Variants in FBN2 observed in about 807,000 individuals in gnomAD.
The protein encoded by FBN2 is fibrillin 2, also known as fibrillin-2.
FBN2 carries 105 observed loss-of-function variants against 355.6 expected under a neutral mutation model. That is an observed-to-expected ratio of 0.30 (90% confidence interval 0.25 to 0.35). The LOEUF is 0.35. FBN2 is among the 10% of genes least tolerant of loss of function. The probability of loss-of-function intolerance (pLI) is 1.00; values close to 1 mark genes in which losing one functional copy is unlikely to be tolerated. For missense variants in FBN2, 3,280 were observed against 3,758.7 expected (o/e 0.87, Z 3.33); for synonymous variants, 1,350 against 1,301.2 (o/e 1.04, Z -0.81).
intron 5 of FBN2, among the ~76,000 whole-genome samples, chr5:128,512,106 G>A (rs1055882723): frequency 1.3e-5 from 2 of 152,088 alleles, no homozygotes; most frequent in African/African-American, 4.8e-5. Context: ...AATCTGTACC[G>A]TTACCAAAAA....
At chr5:128,304,652 G>A (rs1321883597) in intron 45 of FBN2, among the ~76,000 whole-genome samples, 2 of 152,156 alleles carry the variant, frequency 1.3e-5, no homozygotes, top group Non-Finnish European at 2.9e-5. Context: ...TTCCACACAA[G>A]CCCAAGTGGC....
intron 25 of FBN2, among the ~76,000 whole-genome samples, chr5:128,339,635 G>A (rs1332256373): frequency 6.6e-6 from 1 of 152,162 alleles, no homozygotes; most frequent in East Asian, 1.9e-4. Flanking sequence ...GATGAACCCT[G>A]CAACTGTGGT....
chr5:128,479,431 T>C (rs1289539227), intron 5 of FBN2, among the ~76,000 whole-genome samples: 1 of 152,152 alleles, frequency 6.6e-6, no homozygotes, highest in Non-Finnish European at 1.5e-5. Flanking sequence ...AGTAATATTA[T>C]ATCACTACTC....
intron 63 of FBN2, 61 bp downstream of exon 63, chr5:128,263,363 TG>T: frequency 8.2e-7 from 1 of 1,219,764 alleles, no homozygotes; most frequent in Non-Finnish European, 1.2e-6. Flanking sequence ...CAGTGGGGGG[TG>T]GCCTGAACTC....
Position 128,286,821 on chromosome 5 carries a change from G to T in FBN2, c.6909C>A (p.His2303Gln). The T allele has an allele frequency of 1.9e-6, 3 of 1,613,978 alleles. No homozygotes were observed. The highest frequency in any genetic ancestry group is 2.5e-6 in the Non-Finnish European group (3 of 1,179,848). Residue 2303 changes from histidine to glutamine, a missense_variant, in exon 55 of 65, where the codon CAC (histidine) becomes CAA (glutamine). By Grantham distance (24) the His-to-Gln change is conservative. Transcript: ENST00000262464. ...KDLDECAEGLHDCESRGMMCK... is the reference protein window; with the variant it reads ...KDLDECAEGLQDCESRGMMCK... ...ACATCATGCCCCTAGATTCACAGTCGTGTAACCCTTCAGCACATTCATCCA... is the reference window on the plus strand; with the variant it reads ...ACATCATGCCCCTAGATTCACAGTCTTGTAACCCTTCAGCACATTCATCCA...
At chr5:128,517,070 C>A (rs60201468) in intron 5 of FBN2, among the ~76,000 whole-genome samples, 2 of 151,860 alleles carry the variant, frequency 1.3e-5, no homozygotes, top group Non-Finnish European at 2.9e-5. Flanking sequence ...ATTAATCTTA[C>A]AATTTTTTTT....
intron 5 of FBN2, among the ~76,000 whole-genome samples, chr5:128,484,150 C>A (rs531445613): frequency 6.6e-5 from 10 of 152,320 alleles, no homozygotes; most frequent in African/African-American, 2.4e-4. Context: ...TACTTGAGTA[C>A]ATTTATTCTC....
chr5:128,438,897 T>C (rs1753845401), intron 7 of FBN2, among the ~76,000 whole-genome samples: 1 of 152,092 alleles, frequency 6.6e-6, no homozygotes, highest in South Asian at 2.1e-4. Flanking sequence ...AGCCAGACAA[T>C]TTCACCCCCA....
intron 5 of FBN2, among the ~76,000 whole-genome samples, chr5:128,468,196 G>A (rs555490089): frequency 1.2e-3 from 186 of 152,180 alleles, no homozygotes; most frequent in Non-Finnish European, 1.7e-3. Context: ...CATATAACAC[G>A]TGGTCTTTTT....
Position 128,366,445 on chromosome 5 carries a change from G to T in FBN2, c.2249-15C>A, listed in dbSNP as rs759195113. On this transcript the variant is annotated splice_polypyrimidine_tract_variant and intron_variant, in intron 16 of 64. Coordinates refer to ENST00000262464, the MANE Select transcript of FBN2 (RefSeq NM_001999.4). ...GTGGAATTCAGCTGTATGACAAAAA[G>T]AAATAGAAGAATTAAAAACTTAACT... The T allele has an allele frequency of 3.0e-5, 47 of 1,575,420 alleles. No individual in the cohort carries two copies. The Admixed American group carries it at 4.0e-4, about 14-fold the overall frequency.
chr5:128,429,455 T>C (rs1753565051), intron 7 of FBN2, among the ~76,000 whole-genome samples: 1 of 152,200 alleles, frequency 6.6e-6, no homozygotes, highest in East Asian at 1.9e-4. Flanking sequence ...GATTTGAGAA[T>C]ATATTTTATT....
chr5:128,472,767 G>C (rs1341455104), intron 5 of FBN2, among the ~76,000 whole-genome samples: 1 of 150,748 alleles, frequency 6.6e-6, no homozygotes, highest in African/African-American at 2.5e-5. Flanking sequence ...CTCCAGCCTG[G>C]GCAACAAGAG....
chr5:128,306,036 G>T (rs956054619), intron 42 of FBN2, 88 bp from the exon 43 acceptor site: 1 of 1,296,288 alleles, frequency 7.7e-7, no homozygotes, highest in Non-Finnish European at 1.1e-6. Flanking sequence ...TGTACCCTGG[G>T]ATGAGTACAA....
chr5:128,400,205 C>T (rs1752760783), intron 8 of FBN2, among the ~76,000 whole-genome samples: 1 of 150,798 alleles, frequency 6.6e-6, no homozygotes, highest in Admixed American at 6.6e-5. Context: ...CCAGAGTATA[C>T]TAAGATATTT....
intron 5 of FBN2, among the ~76,000 whole-genome samples, chr5:128,474,716 G>A (rs1754962865): frequency 6.6e-6 from 1 of 152,098 alleles, no homozygotes; most frequent in African/African-American, 2.4e-5. Context: ...ATCAAACTTA[G>A]TAAATAACAC....
Position 128,261,608 on chromosome 5 carries a change from C to G in FBN2, c.8364+128G>C, listed in dbSNP as rs867899857. On this transcript the variant is annotated intron_variant, in intron 64 of 64. Coordinates refer to ENST00000262464, the MANE Select transcript of FBN2 (RefSeq NM_001999.4). Reference sequence around the variant, plus strand: ...TTTACTTGTCTTTTCCATACTGGGTCCATTAATTTATCCATTAAATTCAAG... The same window carrying G: ...TTTACTTGTCTTTTCCATACTGGGTGCATTAATTTATCCATTAAATTCAAG... 6.4e-4 allele frequency: 524 copies of G among 813,856 alleles called. 7 individuals carry two copies. The South Asian group carries it at 6.6e-3, about 10-fold the overall frequency. The allele number at this position is 813,856 out of a possible 1,614,324, so 50.4% of individuals were successfully genotyped here. A position where few individuals can be genotyped will look rare whatever the true frequency, so the allele number is the denominator to read the frequency against.
intron 23 of FBN2, among the ~76,000 whole-genome samples, chr5:128,347,324 T>C (rs1261401525): frequency 6.6e-6 from 1 of 152,228 alleles, no homozygotes; most frequent in Non-Finnish European, 1.5e-5. Context: ...TGGATGTTTA[T>C]ATCGGCAATT....
intron 5 of FBN2, among the ~76,000 whole-genome samples, chr5:128,476,215 T>C (rs1452448593): frequency 6.6e-6 from 1 of 152,096 alleles, no homozygotes; most frequent in Non-Finnish European, 1.5e-5. Flanking sequence ...ACCAAAATGA[T>C]AATAAAAATG....
intron 11 of FBN2, among the ~76,000 whole-genome samples, chr5:128,382,398 C>A (rs1752255745): frequency 6.6e-6 from 1 of 152,094 alleles, no homozygotes; most frequent in Admixed American, 6.6e-5. Context: ...TTCGATGTGT[C>A]TGTTCCATAA....
Sources: allele counts gnomAD v4.1 joint callset (sites outside exome capture counted in the v4.1 genomes callset), GRCh38; gene constraint gnomAD v4.1.1; transcripts MANE v1.5; gene names NCBI Gene and HGNC (gene_info 2026-07-23, HGNC 2026-07-21).